Variants in POLL observed in about 807,000 individuals in gnomAD.
POLL encodes DNA polymerase lambda, also known as DNA polymerase beta-2.
A neutral mutation model predicts 58.1 loss-of-function variants in POLL; 44 were observed. The ratio of observed to expected loss-of-function variants is 0.76; its 90% CI spans 0.60 to 0.97. The LOEUF (loss-of-function observed/expected upper bound fraction) is 0.97. Ranked by LOEUF, POLL falls within the 50% of genes least tolerant of loss-of-function variation. POLL has a pLI of 0.00. For missense variants in POLL, 632 were observed against 736.8 expected (o/e 0.86, Z 1.65); for synonymous variants, 290 against 283.2 (o/e 1.02, Z -0.24).
upstream of POLL, chr10:101,588,258 AG>A: frequency 1.3e-6 from 2 of 1,559,962 alleles, no homozygotes; most frequent in Non-Finnish European, 1.7e-6. Flanking sequence ...TGGCCAGAAT[AG>A]CTTCCGAGTC....
chr10:101,584,208 G>A (rs1001607457), intron 5 of POLL, among the ~76,000 whole-genome samples: 7 of 152,066 alleles, frequency 4.6e-5, no homozygotes, highest in African/African-American at 1.7e-4. Context: ...CGGGACACAA[G>A]GGCTCATGGC....
chr10:101,587,621 G>A (rs995333984), intron 1 of POLL: 2 of 1,015,812 alleles, frequency 2.0e-6, no homozygotes, highest in African/African-American at 3.3e-5. Flanking sequence ...GGGGAAGGCT[G>A]GTGCCATCGG....
intron 2 of POLL, among the ~76,000 whole-genome samples, chr10:101,586,727 A>G (rs2063366698): frequency 6.6e-6 from 1 of 152,138 alleles, no homozygotes; most frequent in African/African-American, 2.4e-5. Flanking sequence ...ACTCCTGAGC[A>G]CAGGTGATCT....
rs2063266761 is a variant in POLL at position 101,585,416 on chromosome 10, T to C, written c.473A>G (p.His158Arg). ...EQDASIPPGTHEALLQTALSP... is the reference protein window; with the variant it reads ...EQDASIPPGTREALLQTALSP... ...AAGGGCTGTCTGAAGCAGGGCCTCA[T>C]GGGTGCCAGGAGGAATAGAAGCATC... The change falls in exon 4 of 9, where the codon CAT becomes CGT. Residue 158 changes from histidine (H) to arginine (R), a missense_variant. Coordinates refer to ENST00000370162, the MANE Select transcript of POLL (RefSeq NM_001174084.2). 6.2e-7 allele frequency: 1 copy of C among 1,607,526 alleles called. No individual in the cohort carries two copies. Among genetic ancestry groups the C allele is most frequent in the Non-Finnish European group, 8.5e-7 (1 of 1,176,862 alleles).
intron 2 of POLL, among the ~76,000 whole-genome samples, chr10:101,586,559 T>C (rs1474847336): frequency 6.6e-6 from 1 of 152,192 alleles, no homozygotes; most frequent in Non-Finnish European, 1.5e-5. Flanking sequence ...AGTGGCATCG[T>C]CTTGGCTCAC....
At chr10:101,584,326 G>GAATA (rs924888804) in intron 5 of POLL, among the ~76,000 whole-genome samples, 6 of 151,306 alleles carry the variant, frequency 4.0e-5, no homozygotes, top group African/African-American at 1.2e-4. Context: ...CTAAATAAAT[G>GAATA]AATAAATAAA....
chr10:101,583,155 C>T, intron 6 of POLL: 1 of 594,474 alleles, frequency 1.7e-6, no homozygotes, highest in Admixed American at 2.8e-5. Context: ...TCATCTTCAT[C>T]CTTACCAAGC....
At position 101,585,426 on chromosome 10, in the gene POLL, G is replaced by A. The variant is rs1252549357; in HGVS notation, c.463C>T (p.Pro155Ser). 2 of 1,605,426 alleles carry A rather than the reference G, an allele frequency of 1.2e-6. No individual in the cohort carries two copies. The highest frequency in any genetic ancestry group is 1.3e-5 in the African/African-American group (1 of 74,668). Residue 155 changes from proline (P) to serine (S), a missense_variant, in exon 4 of 9, where the codon CCT becomes TCT. By Grantham distance (74) the Pro-to-Ser change is moderately conservative. Transcript: ENST00000370162. ...SKAEQDASIPPGTHEALLQTA... is the reference protein window; with the variant it reads ...SKAEQDASIPSGTHEALLQTA... Reference sequence around the variant, plus strand: ...TGAAGCAGGGCCTCATGGGTGCCAGGAGGAATAGAAGCATCCTGCTCTGCC... The same window carrying A: ...TGAAGCAGGGCCTCATGGGTGCCAGAAGGAATAGAAGCATCCTGCTCTGCC...
chr10:101,580,330 A>T lies in POLL; in HGVS notation c.1281T>A (p.Asp427Glu). The T allele has an allele frequency of 6.2e-7, 1 of 1,614,052 alleles. No individual in the cohort carries two copies. Among genetic ancestry groups the T allele is most frequent in the Non-Finnish European group, 8.5e-7 (1 of 1,179,984 alleles). The change falls in exon 8 of 9, where the codon GAT (aspartate) becomes GAA (glutamate). Residue 427 changes from aspartate to glutamate, a missense_variant. Coordinates refer to ENST00000370162, the MANE Select transcript of POLL (RefSeq NM_001174084.2). The surrounding 1 kb of genome is among the most constrained non-coding windows in gnomAD (Gnocchi z 4.1). ...SYRRGKATCG[D>E]VDVLITHPDG... is the part of the protein sequence containing the mutation. ...CTGGGTGAGTGATGAGCACGTCGACATCACCACAGGTCGCCTTTCCCCGTC... is the reference window on the plus strand; with the variant it reads ...CTGGGTGAGTGATGAGCACGTCGACTTCACCACAGGTCGCCTTTCCCCGTC...
chr10:101,579,088 C>T lies in POLL; in HGVS notation c.*365G>A. 1 of 274,776 alleles carries T rather than the reference C, an allele frequency of 3.6e-6. No homozygotes were observed. The highest frequency in any genetic ancestry group is 6.9e-6 in the Non-Finnish European group (1 of 144,178). The allele number at this position is 274,776 out of a possible 1,614,324, so 17.0% of individuals were successfully genotyped here. A position where few individuals can be genotyped will look rare whatever the true frequency, so the allele number is the denominator to read the frequency against. ...TTCCCTCTCCCCTGCAGCTTCTGTC[C>T]CCACCCAGCAGCTTGGCCTTTCCCA... On this transcript the variant is annotated 3_prime_UTR_variant, in exon 9 of 9. Transcript: ENST00000370162. This position sits in a 1 kb window ranked among gnomAD's most constrained non-coding sequence, Gnocchi z 4.4.
rs140528428 is a variant in POLL, at chr10:101,579,138, G to A, written c.*315C>T. The stretch of plus-strand genomic sequence containing the variant: ...ATAGCAGGGAAGGGGGATACCTGGG[G>A]CTTCAAACCAGCCACCTGCTCCTGC... On this transcript the variant is annotated 3_prime_UTR_variant, in exon 9 of 9. Transcript: ENST00000370162. This position sits in a 1 kb window ranked among gnomAD's most constrained non-coding sequence, Gnocchi z 4.4. 412 of 362,056 alleles carry A rather than the reference G, an allele frequency of 1.1e-3. 2 individuals carry two copies. Among genetic ancestry groups the A allele is most frequent in the African/African-American group, 8.0e-3 (391 of 48,990 alleles). 22.4% of individuals were successfully genotyped at this position (362,056 alleles called of 1,614,324 possible). A position where few individuals can be genotyped will look rare whatever the true frequency, so the allele number is the denominator to read the frequency against.
rs1482926085 is a variant in POLL at position 101,579,265 on chromosome 10, C to A, written c.*188G>T. ...TGTCTGGGAGAGGGCTGGGCAGACA[C>A]TGGGAGCCGGGCAGACACTGGGAGC... On this transcript the variant is annotated 3_prime_UTR_variant, in exon 9 of 9. Transcript: ENST00000370162. This position sits in a 1 kb window ranked among gnomAD's most constrained non-coding sequence, Gnocchi z 4.4. 4 of 647,110 alleles carry A rather than the reference C, an allele frequency of 6.2e-6. No homozygotes were observed. Among genetic ancestry groups the A allele is most frequent in the African/African-American group, 3.7e-5 (2 of 54,732 alleles). 40.1% of individuals were successfully genotyped at this position (647,110 alleles called of 1,614,324 possible).
At position 101,579,464 on chromosome 10, in the gene POLL, G is replaced by A. The variant is rs555309980; in HGVS notation, c.1717C>T (p.Arg573Trp). The change falls in exon 9 of 9, where the codon CGG (arginine) becomes TGG (tryptophan). Residue 573 changes from arginine to tryptophan, a missense_variant. Coordinates refer to ENST00000370162, the MANE Select transcript of POLL (RefSeq NM_001174084.2). The surrounding 1 kb of genome is among the most constrained non-coding windows in gnomAD (Gnocchi z 4.4). ...CCCCCAGCCATGGGTCACCAGTCCC[G>A]CTCAGCAGGTTCTCGGTAGGGGAGG... The part of the protein sequence containing the change: ...LGLPYREPAE[R>W]DW 8.9e-5 allele frequency: 143 copies of A among 1,607,186 alleles called. No homozygotes were observed. The highest frequency in any genetic ancestry group is 1.1e-4 in the Non-Finnish European group (125 of 1,177,412).
chr10:101,582,616 T>C, intron 7 of POLL, 147 bp downstream of exon 7: 1 of 823,324 alleles, frequency 1.2e-6, no homozygotes, highest in Non-Finnish European at 2.0e-6. Flanking sequence ...AGCTTCAGTC[T>C]TAACTTGCTC....
Position 101,579,289 on chromosome 10 carries a change from G to A in POLL, c.*164C>T, listed in dbSNP as rs1040443802. ...ACTGGGAGCCGGGCAGACACTGGGAGCCGGGCTGGCTCTTGCTTCAGGCCC... is the reference window on the plus strand; with the variant it reads ...ACTGGGAGCCGGGCAGACACTGGGAACCGGGCTGGCTCTTGCTTCAGGCCC... On this transcript the variant is annotated 3_prime_UTR_variant, in exon 9 of 9. Coordinates refer to ENST00000370162, the MANE Select transcript of POLL (RefSeq NM_001174084.2). The surrounding 1 kb of genome is among the most constrained non-coding windows in gnomAD (Gnocchi z 4.4). The A allele has an allele frequency of 2.9e-5, 22 of 757,710 alleles. No homozygotes were observed. The African/African-American group carries it at 3.3e-4, about 11-fold the overall frequency. The allele number at this position is 757,710 out of a possible 1,614,324, so 46.9% of individuals were successfully genotyped here.
chr10:101,583,403 C>A lies in POLL; in HGVS notation c.1065+105G>T. ...GTCTCCCTATACTGTGGGTGCATTC[C>A]CATCAGAGCACAGCATAGGGATCTG... On this transcript the variant is annotated intron_variant, in intron 6 of 8. Transcript: ENST00000370162. 7.9e-7 allele frequency: 1 copy of A among 1,265,090 alleles called. No homozygotes were observed. 78.4% of individuals were successfully genotyped at this position (1,265,090 alleles called of 1,614,324 possible). A position where few individuals can be genotyped will look rare whatever the true frequency, so the allele number is the denominator to read the frequency against.
Position 101,579,200 on chromosome 10 carries a change from G to C in POLL, c.*253C>G, listed in dbSNP as rs1022791864. ...CAAGGGGCCATTTGCAAAATTCTTC[G>C]AGGGGCAGTGGTGAGGTAGAAGGGG... On this transcript the variant is annotated 3_prime_UTR_variant, in exon 9 of 9. Coordinates refer to ENST00000370162, the MANE Select transcript of POLL (RefSeq NM_001174084.2). This position sits in a 1 kb window ranked among gnomAD's most constrained non-coding sequence, Gnocchi z 4.4. 3 of 499,336 alleles carry C rather than the reference G, an allele frequency of 6.0e-6. No homozygotes were observed. Among genetic ancestry groups the C allele is most frequent in the South Asian group, 6.3e-5 (2 of 31,604 alleles). The allele number at this position is 499,336 out of a possible 1,614,324, so 30.9% of individuals were successfully genotyped here.
chr10:101,583,504 T>C lies in POLL; in HGVS notation c.1065+4A>G, dbSNP rs766690469. The C allele has an allele frequency of 6.2e-7, 1 of 1,612,450 alleles. No individual in the cohort carries two copies. The highest frequency in any genetic ancestry group is 2.2e-5 in the East Asian group (1 of 44,884). ...CTGAAGTAGGGGCTGAGCCAGGGTG[T>C]GACCTGTTGGTACCACATCTGGGCA... On this transcript the variant is annotated splice_donor_region_variant and intron_variant, in intron 6 of 8. Transcript: ENST00000370162.
Position 101,579,657 on chromosome 10 carries a change from G to C in POLL, c.1524C>G (p.Gly508=). ...GCATGGAGCGGTTGAAGTGTGCAGA[G>C]CCGGTGAAGTAGAGCAGGGCACAGG... The part of the protein sequence containing the change: ...EFACALLYFT[G]SAHFNRSMRA... The change falls in exon 9 of 9, where the codon GGC becomes GGG. Residue 508 remains glycine (G), a synonymous_variant. Coordinates refer to ENST00000370162, the MANE Select transcript of POLL (RefSeq NM_001174084.2). This position sits in a 1 kb window ranked among gnomAD's most constrained non-coding sequence, Gnocchi z 4.4. The C allele has an allele frequency of 6.2e-7, 1 of 1,613,956 alleles. No individual in the cohort carries two copies. The highest frequency in any genetic ancestry group is 1.6e-4 in the Middle Eastern group (1 of 6,062).
Sources: allele counts gnomAD v4.1 joint callset (sites outside exome capture counted in the v4.1 genomes callset), GRCh38; gene constraint gnomAD v4.1.1; non-coding constraint Gnocchi (gnomAD v3.1); transcripts MANE v1.5; gene names NCBI Gene and HGNC (gene_info 2026-07-23, HGNC 2026-07-21).